The following DENND5B variants were observed in gnomAD, a reference collection of about 807,000 sequenced individuals.
DENND5B encodes DENN domain-containing protein 5B.
Under a neutral mutation model 140.6 loss-of-function variants are expected in DENND5B, and 34 were observed. The ratio of observed to expected loss-of-function variants is 0.24; its 90% CI spans 0.18 to 0.32. The LOEUF is 0.32. DENND5B is among the 10% of genes least tolerant of loss of function. DENND5B has a pLI of 1.00. For missense variants in DENND5B, 1,142 were observed against 1,560.2 expected (o/e 0.73, Z 4.52); for synonymous variants, 551 against 562.1 (o/e 0.98, Z 0.28).
Position 31,570,119 on chromosome 12 carries a change from C to T in DENND5B, c.127+20587G>A, listed in dbSNP as rs556506221. Reference sequence around the variant, plus strand: ...CTGAGGCAGGAGAATCACTGGAACCCGGGAGGTGGAGGTTGCAGTGAGCCA... The same window carrying T: ...CTGAGGCAGGAGAATCACTGGAACCTGGGAGGTGGAGGTTGCAGTGAGCCA... On this transcript the variant is annotated intron_variant, in intron 1 of 20. Transcript: ENST00000389082. Among the ~76,000 whole-genome samples, 623 of 149,534 alleles carry T rather than the reference C, an allele frequency of 4.2e-3. 5 individuals carry two copies. The highest frequency in any genetic ancestry group is 0.014 in the African/African-American group (568 of 40,568).
intron 5 of DENND5B, among the ~76,000 whole-genome samples, chr12:31,450,366 T>TTTTA (rs10656579): frequency 0.92 from 140,085 of 151,890 alleles, 65,186 homozygotes; most frequent in East Asian, 0.99. Flanking sequence ...AAAAATTATC[T>TTTTA]TTTGTTTTTT....
At position 31,413,557 on chromosome 12, in the gene DENND5B, G is replaced by T; in HGVS notation, c.2560C>A (p.Gln854Lys). 1 of 1,611,476 alleles carries T rather than the reference G, an allele frequency of 6.2e-7. No homozygotes were observed. Among genetic ancestry groups the T allele is most frequent in the South Asian group, 1.1e-5 (1 of 90,576 alleles). Reference protein sequence around the residue: ...VSLIQDMRHIQNMSEIKTDVG... With the variant: ...VSLIQDMRHIKNMSEIKTDVG... ...TCAGTCTTGATCTCACTCATGTTTT[G>T]AATATGCCTAAAGAATAGTGGCAAC... Residue 854 changes from glutamine to lysine, a missense_variant, in exon 13 of 21, where the codon CAA becomes AAA. Physicochemically the swap from Gln to Lys is moderately conservative, Grantham distance 53. Coordinates refer to ENST00000389082, the MANE Select transcript of DENND5B (RefSeq NM_144973.4).
At chr12:31,470,311 T>G (rs2138403329) in intron 3 of DENND5B, among the ~76,000 whole-genome samples, 1 of 152,066 alleles carries the variant, frequency 6.6e-6, no homozygotes, top group East Asian at 1.9e-4. Context: ...ATGAGGTTTC[T>G]CCATGTTGGT....
At chr12:31,489,438 C>CA (rs1946436676) in intron 2 of DENND5B, among the ~76,000 whole-genome samples, 1 of 151,896 alleles carries the variant, frequency 6.6e-6, no homozygotes, top group African/African-American at 2.4e-5. Flanking sequence ...CAGCAGTTAC[C>CA]AAAAAAATGT....
intron 3 of DENND5B, among the ~76,000 whole-genome samples, chr12:31,460,884 C>T (rs995831427): frequency 6.6e-6 from 1 of 152,038 alleles, no homozygotes; most frequent in South Asian, 2.1e-4. Flanking sequence ...CACCACCACA[C>T]CAGGCTAATT....
At chr12:31,394,615 CTTTTT>C (rs33960412) in intron 17 of DENND5B, among the ~76,000 whole-genome samples, 1 of 137,606 alleles carries the variant, frequency 7.3e-6, no homozygotes, top group Non-Finnish European at 1.6e-5. Flanking sequence ...ACCCTGTGCT[CTTTTT>C]TTTTTTTTTT....
At chr12:31,517,203 G>A (rs746069203) in intron 1 of DENND5B, among the ~76,000 whole-genome samples, 5 of 152,200 alleles carry the variant, frequency 3.3e-5, no homozygotes, top group Non-Finnish European at 7.3e-5. Flanking sequence ...TTTCAGGACT[G>A]TTTCCTACAT....
intron 3 of DENND5B, among the ~76,000 whole-genome samples, chr12:31,463,537 T>C (rs1168135550): frequency 6.6e-6 from 1 of 152,236 alleles, no homozygotes; most frequent in African/African-American, 2.4e-5. Context: ...ATAATTTTGC[T>C]AGATATCTAT....
chr12:31,402,722 G>T, intron 14 of DENND5B, 79 bp from the exon 15 acceptor site: 1 of 1,454,684 alleles, frequency 6.9e-7, no homozygotes, highest in Non-Finnish European at 9.1e-7. Context: ...AAGAACTCTT[G>T]TTGGTTTTCA....
chr12:31,583,207 A>G (rs1716194), intron 1 of DENND5B, among the ~76,000 whole-genome samples: 103,283 of 151,582 alleles, frequency 0.68, 36,261 homozygotes, highest in East Asian at 0.88. Flanking sequence ...CAGGAGAATC[A>G]CTTGAACCCG....
chr12:31,583,308 AAGAG>A (rs58081768), intron 1 of DENND5B, among the ~76,000 whole-genome samples: 4 of 145,468 alleles, frequency 2.7e-5, no homozygotes, highest in Admixed American at 1.4e-4. Flanking sequence ...AAAAAAAAAA[AAGAG>A]AGAGAGAGAG....
intron 9 of DENND5B, 135 bp downstream of exon 9, chr12:31,426,158 T>C (rs1045392755): frequency 5.1e-6 from 5 of 978,198 alleles, no homozygotes; most frequent in Non-Finnish European, 7.2e-6. Flanking sequence ...AAAGAGCACA[T>C]GAGGTCAATG....
In DENND5B at chr12:31,565,470, G is replaced by A. The variant is rs373884211; in HGVS notation, c.127+25236C>T. Among the ~76,000 whole-genome samples the A allele has an allele frequency of 5.6e-4, 85 of 152,310 alleles. 1 individual carries two copies. Among genetic ancestry groups the A allele is most frequent in the African/African-American group, 1.9e-3 (81 of 41,562 alleles). On this transcript the variant is annotated intron_variant, in intron 1 of 20. Coordinates refer to ENST00000389082, the MANE Select transcript of DENND5B (RefSeq NM_144973.4). Reference sequence around the variant, plus strand: ...TGTGGATGCCTCTGGTCGCTTACACGTAGATAGTCTACTCCTAAAACAGAT... The same window carrying A: ...TGTGGATGCCTCTGGTCGCTTACACATAGATAGTCTACTCCTAAAACAGAT...
Position 31,479,744 on chromosome 12 carries a change from A to G in DENND5B, c.749T>C (p.Val250Ala), listed in dbSNP as rs189201166. ...CCTCTGGCAGATGACAGGTTCATAA[A>G]CACCATAAAATTTCAGTGACCTCCC... ...PPGRSLKFYG[V>A]YEPVICQRPG... The change falls in exon 3 of 21, where the codon GTT becomes GCT. Residue 250 changes from valine (V) to alanine (A), a missense_variant. Physicochemically the swap from Val to Ala is moderately conservative, Grantham distance 64. This residue lies in a region of DENND5B where 708 missense variants were observed against 905.5 expected (regional missense o/e 0.78). Coordinates refer to ENST00000389082, the MANE Select transcript of DENND5B (RefSeq NM_144973.4). 50 of 1,603,482 alleles carry G rather than the reference A, an allele frequency of 3.1e-5. No homozygotes were observed. The African/African-American group carries it at 4.9e-4, about 16-fold the overall frequency.
rs544442565 is a variant in DENND5B at position 31,519,339 on chromosome 12, A to G, written c.128-23420T>C. On this transcript the variant is annotated intron_variant, in intron 1 of 20. Coordinates refer to ENST00000389082, the MANE Select transcript of DENND5B (RefSeq NM_144973.4). Reference sequence around the variant, plus strand: ...AGTTAGCATGATTTTCTATAGGATGAACCTGAGGTACAAGAAACAGATGTG... The same window carrying G: ...AGTTAGCATGATTTTCTATAGGATGGACCTGAGGTACAAGAAACAGATGTG... 2.6e-5 allele frequency among the ~76,000 whole-genome samples: 4 copies of G among 152,348 alleles called. No homozygotes were observed. In the East Asian group the frequency reaches 7.7e-4, roughly 29 times the overall value.
Position 31,401,366 on chromosome 12 carries a change from AG to A in DENND5B, c.2949+1131del, listed in dbSNP as rs573161327. Among the ~76,000 whole-genome samples the A allele has an allele frequency of 3.9e-5, 6 of 152,296 alleles. No homozygotes were observed. In the East Asian group the frequency reaches 1.2e-3, roughly 29 times the overall value. ...CCAAGGGTTTTAATATTTTATATAC[AG>A]GTGGCTTTGAGTCTACTGCATGGAT... On this transcript the variant is annotated intron_variant, in intron 15 of 20. Coordinates refer to ENST00000389082, the MANE Select transcript of DENND5B (RefSeq NM_144973.4).
In DENND5B at chr12:31,387,803, A is replaced by T; in HGVS notation, c.3642-17T>A. ...AGGCGATCCCTACAGACCCAAACAGAAACAATTCCTGAGCATTGCTGGCCT... is the reference window on the plus strand; with the variant it reads ...AGGCGATCCCTACAGACCCAAACAGTAACAATTCCTGAGCATTGCTGGCCT... On this transcript the variant is annotated splice_polypyrimidine_tract_variant and intron_variant, in intron 20 of 20. Coordinates refer to ENST00000389082, the MANE Select transcript of DENND5B (RefSeq NM_144973.4). The T allele has an allele frequency of 6.2e-7, 1 of 1,607,804 alleles. No individual in the cohort carries two copies. Among genetic ancestry groups the T allele is most frequent in the Non-Finnish European group, 8.5e-7 (1 of 1,176,296 alleles).
chr12:31,513,275 G>A (rs1209232085), intron 1 of DENND5B, among the ~76,000 whole-genome samples: 1 of 152,108 alleles, frequency 6.6e-6, no homozygotes, highest in African/African-American at 2.4e-5. Context: ...TTGATCACTT[G>A]GCTAAGATAG....
chr12:31,389,511 G>A lies in DENND5B; in HGVS notation c.3467-13C>T. On this transcript the variant is annotated splice_polypyrimidine_tract_variant and intron_variant, in intron 19 of 20. Transcript: ENST00000389082. Reference sequence around the variant, plus strand: ...GCAACCACTTTCTCTGAGGAAAAAAGTCAGAATTATGTCACAATATGTGTC... The same window carrying A: ...GCAACCACTTTCTCTGAGGAAAAAAATCAGAATTATGTCACAATATGTGTC... The A allele has an allele frequency of 6.4e-7, 1 of 1,565,254 alleles. No homozygotes were observed. The highest frequency in any genetic ancestry group is 8.7e-7 in the Non-Finnish European group (1 of 1,153,728).
Sources: gnomAD v4.1 joint callset for allele counts (sites outside exome capture counted in the v4.1 genomes callset) on GRCh38, gnomAD v4.1.1 for gene constraint, gnomAD v4.1.1 regional missense constraint, MANE v1.5 for transcripts, NCBI Gene and HGNC (gene_info 2026-07-23, HGNC 2026-07-21) for gene names.